Variants in RFC1 observed in about 807,000 individuals in gnomAD.
RFC1 encodes A1 140 kDa subunit.
RFC1 carries 37 observed loss-of-function variants against 137.4 expected under a neutral mutation model. The observed-to-expected ratio is 0.27, with a 90% confidence interval of 0.21 to 0.35. RFC1 has a LOEUF of 0.35. Ranked by LOEUF, RFC1 falls within the 10% of genes least tolerant of loss-of-function variation. The pLI is 1.00. For synonymous variants in RFC1, 429 were observed against 455.7 expected (o/e 0.94, Z 0.75); for missense variants, 1,205 against 1,358.5 (o/e 0.89, Z 1.78).
intron 4 of RFC1, among the ~76,000 whole-genome samples, chr4:39,338,523 A>C (rs563298851): frequency 1.3e-5 from 2 of 152,356 alleles, no homozygotes; most frequent in African/African-American, 4.8e-5. Context: ...TGTATATTTT[A>C]TCTAACCCAA....
chr4:39,306,661 A>G lies in RFC1; in HGVS notation c.1926T>C (p.Ser642=). Residue 642 remains serine, a synonymous_variant, in exon 14 of 25, where the codon AGT becomes AGC. Coordinates refer to ENST00000349703, the MANE Select transcript of RFC1 (RefSeq NM_002913.5). ...GGCCTGACAGCAACGCTGCTTTAAA[A>G]CTAGAGCCATCATCTTTGCCGGAAA... The part of the protein sequence containing the change: ...GKFSGKDDGS[S]FKAALLSGPP... 1 of 1,613,952 alleles carries G rather than the reference A, an allele frequency of 6.2e-7. No individual in the cohort carries two copies. Among genetic ancestry groups the G allele is most frequent in the South Asian group, 1.1e-5 (1 of 91,080 alleles).
chr4:39,337,817 T>A (rs1740432984), intron 4 of RFC1, among the ~76,000 whole-genome samples: 5 of 152,218 alleles, frequency 3.3e-5, no homozygotes, highest in Admixed American at 3.3e-4. Flanking sequence ...TCTTATTACA[T>A]GGTAACCTGT....
chr4:39,362,036 C>CA (rs35670786), intron 1 of RFC1, among the ~76,000 whole-genome samples: 326 of 148,302 alleles, frequency 2.2e-3, no homozygotes, highest in Non-Finnish European at 3.5e-3. Flanking sequence ...GAGACTGTCT[C>CA]AAAAAAAAAG....
chr4:39,345,588 T>G, intron 2 of RFC1, 112 bp from the exon 3 acceptor site: 1 of 756,834 alleles, frequency 1.3e-6, no homozygotes, highest in Non-Finnish European at 2.1e-6. Context: ...TGGCACGATC[T>G]CGGCTCACTG....
chr4:39,347,014 C>G (rs934409041), intron 2 of RFC1, among the ~76,000 whole-genome samples: 1 of 152,230 alleles, frequency 6.6e-6, no homozygotes. Context: ...CAAAAGAACA[C>G]TCTTTGAAGG....
chr4:39,365,931 C>A (rs1343093985), intron 1 of RFC1, among the ~76,000 whole-genome samples: 1 of 152,230 alleles, frequency 6.6e-6, no homozygotes, highest in Non-Finnish European at 1.5e-5. Context: ...TTTACCAATG[C>A]GTCCCAAAAC....
intron 13 of RFC1, among the ~76,000 whole-genome samples, chr4:39,307,937 T>G (rs1738764947): frequency 6.6e-6 from 1 of 152,174 alleles, no homozygotes; most frequent in African/African-American, 2.4e-5. Flanking sequence ...TTGAAAACAC[T>G]ACTAAAACAT....
At chr4:39,351,254 A>G (rs1019991870) in intron 2 of RFC1, 94 bp downstream of exon 2, 49 of 930 alleles carry the variant, frequency 0.053, no homozygotes, top group East Asian at 0.22. Context: ...CTGTCTCAGG[A>G]AAAAAAAAAA....
chr4:39,348,497 G>T (rs1741023475), intron 2 of RFC1, among the ~76,000 whole-genome samples: 3 of 129,680 alleles, frequency 2.3e-5, no homozygotes, highest in Admixed American at 7.4e-5. Context: ...ATGTTCTAAA[G>T]AGAATAGCAA....
At chr4:39,313,039 A>C in intron 10 of RFC1, 108 bp from the exon 11 acceptor site, 1 of 924,704 alleles carries the variant, frequency 1.1e-6, no homozygotes, top group Non-Finnish European at 1.6e-6. Flanking sequence ...CACATCATAA[A>C]TAACCTTGGC....
In RFC1 at chr4:39,357,615, C is replaced by CT. The variant is rs754761627; in HGVS notation, c.4-6140dup. On this transcript the variant is annotated intron_variant, in intron 1 of 24. Coordinates refer to ENST00000349703, the MANE Select transcript of RFC1 (RefSeq NM_002913.5). ...TGGTTTTTATTCATCCAGGAGCTAA[C>CT]TTTTTTTTTTTTTTCCCTTGAGACA... Among the ~76,000 whole-genome samples the CT allele has an allele frequency of 4.5e-3, 653 of 144,030 alleles. 1 individual carries two copies. Among genetic ancestry groups the CT allele is most frequent in the African/African-American group, 0.012 (464 of 39,602 alleles). The allele number at this position is 144,030 out of a possible 152,430, so 94.5% of individuals were successfully genotyped here. A position where few individuals can be genotyped will look rare whatever the true frequency, so the allele number is the denominator to read the frequency against.
At chr4:39,304,634 C>T (rs1229485678) in intron 15 of RFC1, among the ~76,000 whole-genome samples, 180 bp downstream of exon 15, 1 of 152,082 alleles carries the variant, frequency 6.6e-6, no homozygotes, top group East Asian at 1.9e-4. Context: ...CCTCTAAGAC[C>T]TACGAAAGGG....
intron 14 of RFC1, among the ~76,000 whole-genome samples, chr4:39,305,604 T>C (rs1738599761): frequency 6.6e-6 from 1 of 151,920 alleles, no homozygotes; most frequent in African/African-American, 2.4e-5. Flanking sequence ...TAAAACTGTG[T>C]CTCAAAACAA....
Position 39,288,319 on chromosome 4 carries a change from T to G in RFC1, c.*442A>C, listed in dbSNP as rs537813687. The G allele has an allele frequency of 5.2e-5, 8 of 153,296 alleles. No individual in the cohort carries two copies. The highest frequency in any genetic ancestry group is 2.0e-4 in the Admixed American group (3 of 15,338). The allele number at this position is 153,296 out of a possible 1,614,324, so 9.5% of individuals were successfully genotyped here. ...GTGACTGTTTTGTATAATCATTTATTTACAAAATTTCACCACATAATAGGA... is the reference window on the plus strand; with the variant it reads ...GTGACTGTTTTGTATAATCATTTATGTACAAAATTTCACCACATAATAGGA... On this transcript the variant is annotated 3_prime_UTR_variant, in exon 25 of 25. Coordinates refer to ENST00000349703, the MANE Select transcript of RFC1 (RefSeq NM_002913.5).
At chr4:39,329,223 C>G (rs1739960583) in intron 4 of RFC1, among the ~76,000 whole-genome samples, 1 of 147,128 alleles carries the variant, frequency 6.8e-6, no homozygotes. Flanking sequence ...AACATGAGGC[C>G]GGGCACGGTA....
intron 1 of RFC1, among the ~76,000 whole-genome samples, chr4:39,359,166 T>C (rs1741626669): frequency 6.6e-6 from 1 of 152,012 alleles, no homozygotes. Context: ...ACCTAAACGA[T>C]CTCCCAAATA....
intron 2 of RFC1, among the ~76,000 whole-genome samples, chr4:39,351,086 T>TA (rs1284626759): frequency 6.6e-6 from 1 of 151,424 alleles, no homozygotes; most frequent in African/African-American, 2.4e-5. Context: ...CCGTCTCTAC[T>TA]AAAAAATAGA....
Position 39,289,924 on chromosome 4 carries a change from T to C in RFC1, c.3284A>G (p.Asn1095Ser), listed in dbSNP as rs1285016083. ...AGAGTCATCTTCATTTAATTCTTCATTGTATTCCGAATCCAGGGATGGGCT... is the reference window on the plus strand; with the variant it reads ...AGAGTCATCTTCATTTAATTCTTCACTGTATTCCGAATCCAGGGATGGGCT... ...STSPSLDSEY[N>S]EELNEDDSQS... Residue 1095 changes from asparagine to serine, a missense_variant, in exon 24 of 25, where the codon AAT becomes AGT. By Grantham distance (46) the Asn-to-Ser change is conservative. Transcript: ENST00000349703. The C allele has an allele frequency of 6.2e-7, 1 of 1,613,228 alleles. No individual in the cohort carries two copies. Among genetic ancestry groups the C allele is most frequent in the African/African-American group, 1.3e-5 (1 of 75,012 alleles).
At chr4:39,363,231 T>C (rs1240489614) in intron 1 of RFC1, among the ~76,000 whole-genome samples, 1 of 152,242 alleles carries the variant, frequency 6.6e-6, no homozygotes, top group Admixed American at 6.5e-5. Flanking sequence ...TCAGTGAAAT[T>C]CAAATTGTCT....
Sources: gnomAD v4.1 joint callset for allele counts (sites outside exome capture counted in the v4.1 genomes callset) on GRCh38, gnomAD v4.1.1 for gene constraint, MANE v1.5 for transcripts, NCBI Gene and HGNC (gene_info 2026-07-23, HGNC 2026-07-21) for gene names.